TMF1: variants seen among roughly 807,000 people sequenced by gnomAD.
The protein encoded by TMF1 is TATA element modulatory factor.
Under a neutral mutation model 126.5 loss-of-function variants are expected in TMF1, and 71 were observed. That is an observed-to-expected ratio of 0.56 (90% CI 0.46 to 0.68). The LOEUF is 0.68. Ranked by LOEUF, TMF1 falls within the 30% of genes least tolerant of loss-of-function variation. The pLI, the probability that TMF1 is intolerant of heterozygous loss-of-function variation, is 0.00. For missense variants in TMF1, 1,259 were observed against 1,253.2 expected (o/e 1.00, Z -0.07); for synonymous variants, 461 against 430.5 (o/e 1.07, Z -0.88).
At chr3:69,027,222 T>C (rs1349856035) in intron 13 of TMF1, among the ~76,000 whole-genome samples, 1 of 152,100 alleles carries the variant, frequency 6.6e-6, no homozygotes, top group Non-Finnish European at 1.5e-5. Flanking sequence ...TCTTGAACTC[T>C]TAGCCTCAAG....
chr3:69,040,231 G>C (rs1044856459), intron 5 of TMF1: 3 of 152,626 alleles, frequency 2.0e-5, no homozygotes, highest in African/African-American at 7.2e-5. Flanking sequence ...AGACTAAAAG[G>C]ACATAACAAT....
intron 1 of TMF1, among the ~76,000 whole-genome samples, chr3:69,050,835 T>C (rs558506828): frequency 6.6e-6 from 1 of 152,312 alleles, no homozygotes; most frequent in South Asian, 2.1e-4. Flanking sequence ...ACATCTCTTA[T>C]CCTTTTTCAC....
At chr3:69,037,179 T>C (rs541429562) in intron 8 of TMF1, among the ~76,000 whole-genome samples, 1 of 152,248 alleles carries the variant, frequency 6.6e-6, no homozygotes, top group African/African-American at 2.4e-5. Context: ...TGAAAAGACA[T>C]CCAACATCAT....
At chr3:69,044,453 G>T in intron 3 of TMF1, 39 bp downstream of exon 3, 1 of 1,205,262 alleles carries the variant, frequency 8.3e-7, no homozygotes. Context: ...CAGGTTTCCA[G>T]AAAATGTGTA....
intron 2 of TMF1, 132 bp downstream of exon 2, chr3:69,047,226 C>T: frequency 4.5e-6 from 5 of 1,112,922 alleles, no homozygotes; most frequent in Non-Finnish European, 6.2e-6. Flanking sequence ...CTTAATGCTA[C>T]ACAGAAATGG....
Position 69,042,840 on chromosome 3 carries a change from T to C in TMF1, c.1651A>G (p.Lys551Glu). ...SSETADLLKE[K>E]DEQIRGLMEE... ...ATTAACCCTCGGATCTGCTCATCTT[T>C]CTCTTTCAAAAGGTCTGCAGTTTCA... Residue 551 changes from lysine (K) to glutamate (E), a missense_variant, in exon 5 of 17, where the codon AAA (lysine) becomes GAA (glutamate). Physicochemically the swap from Lys to Glu is moderately conservative, Grantham distance 56. Transcript: ENST00000398559. 1 of 1,613,754 alleles carries C rather than the reference T, an allele frequency of 6.2e-7. No individual in the cohort carries two copies. Among genetic ancestry groups the C allele is most frequent in the Non-Finnish European group, 8.5e-7 (1 of 1,179,894 alleles).
In TMF1 at chr3:69,021,234, A is replaced by C. The variant is rs968826919; in HGVS notation, c.*1943T>G. 1 of 152,526 alleles carries C rather than the reference A, an allele frequency of 6.6e-6. No individual in the cohort carries two copies. Among genetic ancestry groups the C allele is most frequent in the African/African-American group, 2.4e-5 (1 of 41,338 alleles). 9.4% of individuals were successfully genotyped at this position (152,526 alleles called of 1,614,324 possible). ...ATAAATAGAACTTTATCATAGGTAT[A>C]TATGTATAGGAAAAAACAGTGTATA... On this transcript the variant is annotated 3_prime_UTR_variant, in exon 17 of 17. Transcript: ENST00000398559.
At chr3:69,036,892 A>C (rs1403190899) in intron 8 of TMF1, among the ~76,000 whole-genome samples, 1 of 152,248 alleles carries the variant, frequency 6.6e-6, no homozygotes, top group African/African-American at 2.4e-5. Context: ...TATGATGCCA[A>C]AAGCACAAAT....
At chr3:69,050,979 A>G (rs535950781) in intron 1 of TMF1, among the ~76,000 whole-genome samples, 16 of 152,336 alleles carry the variant, frequency 1.1e-4, no homozygotes, top group East Asian at 3.9e-4. Context: ...AACTGCAAAG[A>G]GAGACTTGGC....
chr3:69,026,079 C>T lies in TMF1; in HGVS notation c.2776G>A (p.Val926Ile). ...CGTGACATGGTGGGAGTGCTAGAAACAGAAAATGGCTTGCGTTCCTTAGGG... is the reference window on the plus strand; with the variant it reads ...CGTGACATGGTGGGAGTGCTAGAAATAGAAAATGGCTTGCGTTCCTTAGGG... Reference protein sequence around the residue: ...IKEKERKPFSVSSTPTMSRSS... With the variant: ...IKEKERKPFSISSTPTMSRSS... Residue 926 changes from valine (V) to isoleucine (I), a missense_variant, in exon 14 of 17, where the codon GTT (valine) becomes ATT (isoleucine). Val to Ile is a conservative substitution (Grantham distance 29). Coordinates refer to ENST00000398559, the MANE Select transcript of TMF1 (RefSeq NM_007114.3). 6.2e-7 allele frequency: 1 copy of T among 1,613,790 alleles called. No individual in the cohort carries two copies. Among genetic ancestry groups the T allele is most frequent in the South Asian group, 1.1e-5 (1 of 91,058 alleles).
At position 69,023,111 on chromosome 3, in the gene TMF1, G is replaced by A. The variant is rs2091748670; in HGVS notation, c.*66C>T. 2 of 1,415,246 alleles carry A rather than the reference G, an allele frequency of 1.4e-6. No homozygotes were observed. Among genetic ancestry groups the A allele is most frequent in the Non-Finnish European group, 1.9e-6 (2 of 1,036,320 alleles). 87.7% of individuals were successfully genotyped at this position (1,415,246 alleles called of 1,614,324 possible). ...AATTCTATAAAAGAATTTATTGGAA[G>A]TCCACATTAAATGTTTAGATATTAA... On this transcript the variant is annotated 3_prime_UTR_variant, in exon 17 of 17. Transcript: ENST00000398559.
chr3:69,041,573 T>C (rs1165394335), intron 5 of TMF1, among the ~76,000 whole-genome samples: 1 of 152,108 alleles, frequency 6.6e-6, no homozygotes. Context: ...TAAAAATAAA[T>C]GTACAACACT....
chr3:69,039,503 C>A (rs1225868225), intron 6 of TMF1, 48 bp downstream of exon 6: 2 of 1,575,294 alleles, frequency 1.3e-6, no homozygotes, highest in East Asian at 2.3e-5. Flanking sequence ...ACTGTTCATA[C>A]AGGAAGTAAT....
At chr3:69,040,053 C>G (rs2091855113) in intron 5 of TMF1, among the ~76,000 whole-genome samples, 1 of 152,198 alleles carries the variant, frequency 6.6e-6, no homozygotes, top group South Asian at 2.1e-4. Context: ...TGTTCAATAT[C>G]ACCCAGATAT....
chr3:69,035,714 C>T (rs895939145), intron 8 of TMF1, among the ~76,000 whole-genome samples: 4 of 151,526 alleles, frequency 2.6e-5, no homozygotes, highest in African/African-American at 9.7e-5. Flanking sequence ...TTGCAAATGT[C>T]GATACAACAT....
At chr3:69,028,984 C>G (rs746607109) in intron 11 of TMF1, among the ~76,000 whole-genome samples, 2 of 151,782 alleles carry the variant, frequency 1.3e-5, no homozygotes, top group Non-Finnish European at 2.9e-5. Flanking sequence ...TCTCAACAAT[C>G]TACATGACAA....
At chr3:69,025,538 G>A (rs1158153844) in intron 15 of TMF1, 22 bp downstream of exon 15, 1 of 1,597,228 alleles carries the variant, frequency 6.3e-7, no homozygotes. Context: ...TACTTCTATA[G>A]CAAATTTAAT....
intron 1 of TMF1, among the ~76,000 whole-genome samples, chr3:69,049,278 G>A (rs2091913092): frequency 1.3e-5 from 2 of 152,340 alleles, no homozygotes; most frequent in East Asian, 1.9e-4. Flanking sequence ...GGAGGCTGAG[G>A]TGGGAAGATC....
At chr3:69,023,439 C>G in intron 16 of TMF1, 119 bp from the exon 17 acceptor site, 1 of 828,824 alleles carries the variant, frequency 1.2e-6, no homozygotes, top group Admixed American at 3.5e-5. Context: ...ATATACTCAT[C>G]TCTTTTAAAA....
Sources: allele counts gnomAD v4.1 joint callset (sites outside exome capture counted in the v4.1 genomes callset), GRCh38; gene constraint gnomAD v4.1.1; transcripts MANE v1.5; gene names NCBI Gene and HGNC (gene_info 2026-07-23, HGNC 2026-07-21).